ARL15: variants seen among roughly 807,000 people sequenced by gnomAD.
ARL15 encodes ADP-ribosylation factor-like protein 15.
ARL15 carries 19 observed loss-of-function variants against 25.2 expected under a neutral mutation model. That is an observed-to-expected ratio of 0.75 (90% CI 0.53 to 1.10). The LOEUF (loss-of-function observed/expected upper bound fraction) is 1.10, where lower values mean the gene tolerates loss of function less well. Ranked by LOEUF, ARL15 falls within the 50% of genes least tolerant of loss-of-function variation. The pLI is 0.00. For missense variants in ARL15, 220 were observed against 246.0 expected, an observed-to-expected ratio of 0.89 and a Z score of 0.71; for synonymous variants, 94 against 86.8, an observed-to-expected ratio of 1.08 and a Z score of -0.46.
At chr5:54,304,497 G>A (rs1459852644) in intron 1 of ARL15, among the ~76,000 whole-genome samples, 1 of 152,200 alleles carries the variant, frequency 6.6e-6, no homozygotes, top group Non-Finnish European at 1.5e-5. Context: ...CCCCTGGAGG[G>A]CATGAATCAA....
chr5:53,920,678 T>TAAAC (rs1413287653), intron 4 of ARL15, among the ~76,000 whole-genome samples: 34 of 150,524 alleles, frequency 2.3e-4, no homozygotes, highest in Middle Eastern at 3.4e-3. Context: ...AATAAATAAA[T>TAAAC]AAATAAATAA....
At chr5:53,952,762 T>C (rs1325988886) in intron 4 of ARL15, among the ~76,000 whole-genome samples, 2 of 152,160 alleles carry the variant, frequency 1.3e-5, no homozygotes, top group Non-Finnish European at 2.9e-5. Flanking sequence ...TGTCAGATGA[T>C]AAAACATTCA....
At chr5:54,041,989 G>C (rs958214351) in intron 4 of ARL15, among the ~76,000 whole-genome samples, 139 of 93,738 alleles carry the variant, frequency 1.5e-3, no homozygotes, top group African/African-American at 5.5e-3. Context: ...TTTTTTTTTT[G>C]AGACGGAGTC....
In ARL15 at chr5:54,163,354, AGCTTTTTTTT is replaced by A. The variant is rs1164027294; in HGVS notation, c.193+8420_193+8429del. On this transcript the variant is annotated intron_variant, in intron 2 of 4. Transcript: ENST00000504924. ...GTGTCCATGAGGGCTATTGGTATGAAGCTTTTTTTTTTTTTTTTTTTTTTTTTTTTTTTTT... is the reference window on the plus strand; with the variant it reads ...GTGTCCATGAGGGCTATTGGTATGAATTTTTTTTTTTTTTTTTTTTTTTTT... Among the ~76,000 whole-genome samples the A allele has an allele frequency of 9.5e-4, 60 of 63,082 alleles. 2 individuals carry two copies. In the East Asian group the frequency reaches 0.026, roughly 27 times the overall value. The allele number at this position is 63,082 out of a possible 152,430, so 41.4% of individuals were successfully genotyped here.
chr5:54,051,799 A>C (rs1484734430), intron 4 of ARL15, among the ~76,000 whole-genome samples: 1 of 152,184 alleles, frequency 6.6e-6, no homozygotes, highest in Admixed American at 6.5e-5. Flanking sequence ...GTATTTACTC[A>C]ATTGATTTTA....
chr5:54,302,928 T>C (rs1010339396), intron 1 of ARL15, among the ~76,000 whole-genome samples: 5 of 152,004 alleles, frequency 3.3e-5, no homozygotes, highest in South Asian at 2.1e-4. Flanking sequence ...AGCCACAACA[T>C]AACACAGGGG....
intron 4 of ARL15, among the ~76,000 whole-genome samples, chr5:53,903,292 T>C (rs1268963772): frequency 6.6e-6 from 1 of 152,178 alleles, no homozygotes; most frequent in Admixed American, 6.5e-5. Context: ...CCATGACTAG[T>C]TGAAAATACT....
chr5:53,993,154 A>C (rs1748562386), intron 4 of ARL15, among the ~76,000 whole-genome samples: 1 of 152,238 alleles, frequency 6.6e-6, no homozygotes, highest in Non-Finnish European at 1.5e-5. Context: ...TTCACCTGAT[A>C]CACATTTTCG....
intron 4 of ARL15, among the ~76,000 whole-genome samples, chr5:53,964,429 G>T (rs189323964): frequency 1.3e-5 from 2 of 151,874 alleles, no homozygotes; most frequent in Non-Finnish European, 2.9e-5. Flanking sequence ...GCGTGATCTC[G>T]GCTCACTGCA....
intron 4 of ARL15, among the ~76,000 whole-genome samples, chr5:53,973,046 G>C (rs1443174848): frequency 2.0e-5 from 3 of 152,118 alleles, no homozygotes; most frequent in African/African-American, 4.8e-5. Flanking sequence ...AACTGCTATA[G>C]AAAAAGCATG....
chr5:54,273,418 A>G (rs996652947), intron 1 of ARL15, among the ~76,000 whole-genome samples: 6 of 152,238 alleles, frequency 3.9e-5, no homozygotes, highest in Non-Finnish European at 8.8e-5. Context: ...CGAAGAAACA[A>G]TTAGACAAAT....
intron 1 of ARL15, among the ~76,000 whole-genome samples, chr5:54,301,960 T>C (rs978803251): frequency 2.0e-5 from 3 of 152,214 alleles, no homozygotes; most frequent in African/African-American, 7.2e-5. Flanking sequence ...TGAGCTACTA[T>C]CAAAATCATG....
At chr5:54,131,568 T>A (rs2112278280) in intron 3 of ARL15, among the ~76,000 whole-genome samples, 1 of 152,332 alleles carries the variant, frequency 6.6e-6, no homozygotes, top group South Asian at 2.1e-4. Context: ...TTTAATGTCA[T>A]GCGTAACTTT....
At chr5:54,258,899 G>T (rs1304614505) in intron 1 of ARL15, among the ~76,000 whole-genome samples, 2 of 152,202 alleles carry the variant, frequency 1.3e-5, no homozygotes, top group African/African-American at 4.8e-5. Flanking sequence ...AGAGGTGGTT[G>T]CCTCAGGCTC....
chr5:54,251,954 A>T (rs13190010), intron 1 of ARL15, among the ~76,000 whole-genome samples: 12,003 of 152,300 alleles, frequency 0.079, 668 homozygotes, highest in African/African-American at 0.15. Context: ...ATCAAAGTTG[A>T]CAACCAGTGA....
At chr5:54,096,949 T>A (rs1190814485) in intron 4 of ARL15, among the ~76,000 whole-genome samples, 1 of 152,030 alleles carries the variant, frequency 6.6e-6, no homozygotes, top group African/African-American at 2.4e-5. Flanking sequence ...ACAGCCAGAG[T>A]ACCTGAATCA....
intron 4 of ARL15, among the ~76,000 whole-genome samples, chr5:53,969,885 C>T (rs1747680468): frequency 6.6e-6 from 1 of 152,006 alleles, no homozygotes; most frequent in African/African-American, 2.4e-5. Flanking sequence ...GGAACGTGAG[C>T]TGGGACACTT....
intron 2 of ARL15, among the ~76,000 whole-genome samples, chr5:54,161,182 T>C (rs927803675): frequency 6.6e-6 from 1 of 152,192 alleles, no homozygotes; most frequent in Non-Finnish European, 1.5e-5. Flanking sequence ...TCCCTTGTTG[T>C]ATGGCATTTA....
In ARL15 at chr5:54,175,324, CTTCT is replaced by C. The variant is rs754906905; in HGVS notation, c.49-3400_49-3397del. On this transcript the variant is annotated intron_variant, in intron 1 of 4. Transcript: ENST00000504924. ...GATATTCTACTCCACTGTCTTTTCT[CTTCT>C]TTCTTTCTTTCTTTTTTTTTTTTCA... Among the ~76,000 whole-genome samples the C allele has an allele frequency of 1.6e-4, 25 of 151,682 alleles. No individual in the cohort carries two copies. In the East Asian group the frequency reaches 2.2e-3, roughly 13 times the overall value.
Sources: allele counts gnomAD v4.1 joint callset (sites outside exome capture counted in the v4.1 genomes callset), GRCh38; gene constraint gnomAD v4.1.1; transcripts MANE v1.5; gene names NCBI Gene and HGNC (gene_info 2026-07-23, HGNC 2026-07-21).